The following KLHL20 variants were observed in gnomAD, a reference collection of about 807,000 sequenced individuals.
KLHL20 encodes the protein kelch like family member 20.
Under a neutral mutation model 69.5 loss-of-function variants are expected in KLHL20, and 29 were observed. The ratio of observed to expected loss-of-function variants is 0.42; its 90% confidence interval spans 0.31 to 0.57. KLHL20 has a LOEUF of 0.57. Among genes scored for constraint, KLHL20 ranks in the 20% least tolerant of loss-of-function variants. The pLI, the probability that KLHL20 is intolerant of heterozygous loss-of-function variation, is 0.18. For missense variants in KLHL20, 419 were observed against 776.0 expected, an observed-to-expected ratio of 0.54 and a Z score of 5.47; for synonymous variants, 253 against 265.2, an observed-to-expected ratio of 0.95 and a Z score of 0.45.
chr1:173,774,063 C>T (rs906960794), intron 8 of KLHL20, among the ~76,000 whole-genome samples: 1 of 151,182 alleles, frequency 6.6e-6, no homozygotes, highest in African/African-American at 2.4e-5. Flanking sequence ...GAGCTGAAGT[C>T]ATAGGTTGTT....
chr1:173,749,811 A>T (rs1183249811), intron 3 of KLHL20, among the ~76,000 whole-genome samples: 1 of 152,206 alleles, frequency 6.6e-6, no homozygotes, highest in Non-Finnish European at 1.5e-5. Context: ...ACAATACCAT[A>T]CTTAAGTGAA....
At chr1:173,767,932 G>A (rs931853690) in intron 8 of KLHL20, among the ~76,000 whole-genome samples, 1 of 151,928 alleles carries the variant, frequency 6.6e-6, no homozygotes, top group Non-Finnish European at 1.5e-5. Context: ...ATGCTTTGGG[G>A]CACATAACCT....
chr1:173,724,200 C>A (rs560515125), intron 2 of KLHL20, among the ~76,000 whole-genome samples: 1 of 148,198 alleles, frequency 6.7e-6, no homozygotes, highest in African/African-American at 2.5e-5. Flanking sequence ...AGAGATGGGG[C>A]CTCACTATGT....
intron 7 of KLHL20, among the ~76,000 whole-genome samples, chr1:173,761,129 A>ATTT (rs1647271724): frequency 6.6e-6 from 1 of 152,244 alleles, no homozygotes; most frequent in Non-Finnish European, 1.5e-5. Flanking sequence ...AGTGGTTAAA[A>ATTT]GAGACAAAGA....
chr1:173,730,006 G>A (rs1341740577), intron 2 of KLHL20, among the ~76,000 whole-genome samples: 3 of 152,162 alleles, frequency 2.0e-5, no homozygotes, highest in Non-Finnish European at 4.4e-5. Flanking sequence ...AAGCTGATAA[G>A]CAACTTCAGC....
chr1:173,758,462 AAAT>A (rs1197545217), intron 7 of KLHL20, among the ~76,000 whole-genome samples: 1 of 152,144 alleles, frequency 6.6e-6, no homozygotes, highest in Non-Finnish European at 1.5e-5. Flanking sequence ...CTGCAAGAAA[AAAT>A]CAGCAATCTC....
intron 7 of KLHL20, among the ~76,000 whole-genome samples, chr1:173,761,853 A>G (rs1439446796): frequency 6.6e-6 from 1 of 152,134 alleles, no homozygotes; most frequent in Non-Finnish European, 1.5e-5. Context: ...ACCCAAACCC[A>G]AAGGAAATAA....
chr1:173,784,381 G>A lies in KLHL20; in HGVS notation c.1746-782G>A, dbSNP rs577760607. ...GCTTTCTATTTTTACTAGGAATTTT[G>A]ATTAAGCATAATTTCTGAAGACAGC... On this transcript the variant is annotated intron_variant, in intron 11 of 11. Coordinates refer to ENST00000209884, the MANE Select transcript of KLHL20 (RefSeq NM_014458.4). 4.2e-4 allele frequency among the ~76,000 whole-genome samples: 64 copies of A among 152,282 alleles called. No homozygotes were observed. The East Asian group carries it at 0.011, about 27-fold the overall frequency.
chr1:173,720,746 G>A (rs1214512730), intron 2 of KLHL20, among the ~76,000 whole-genome samples: 1 of 152,114 alleles, frequency 6.6e-6, no homozygotes, highest in Non-Finnish European at 1.5e-5. Context: ...ATGGAGTGAG[G>A]AAGAGATAGT....
chr1:173,775,797 C>T lies in KLHL20; in HGVS notation c.1593C>T (p.Thr531=). The stretch of plus-strand genomic sequence containing the variant: ...GTGCTGAGAGATACAACCCCAGAAC[C>T]AACCAGTGGTCTCCAGTGGTGGCCA... ...LSSAERYNPR[T]NQWSPVVAMT... The change falls in exon 10 of 12, where the codon ACC becomes ACT. Residue 531 remains threonine, a synonymous_variant. Transcript: ENST00000209884. 1 of 1,614,168 alleles carries T rather than the reference C, an allele frequency of 6.2e-7. No individual in the cohort carries two copies. Among genetic ancestry groups the T allele is most frequent in the Non-Finnish European group, 8.5e-7 (1 of 1,180,024 alleles).
intron 2 of KLHL20, among the ~76,000 whole-genome samples, chr1:173,725,022 T>G (rs1671890726): frequency 6.6e-6 from 1 of 152,102 alleles, no homozygotes; most frequent in African/African-American, 2.4e-5. Flanking sequence ...TTTTACCAAG[T>G]TATTTGACTC....
At chr1:173,766,369 G>C (rs1647709145) in intron 8 of KLHL20, 80 bp downstream of exon 8, 1 of 1,335,584 alleles carries the variant, frequency 7.5e-7, no homozygotes, top group Admixed American at 2.5e-5. Flanking sequence ...TACAGGTTGG[G>C]CGTGGTGGCT....
chr1:173,725,053 G>A (rs1274104679), intron 2 of KLHL20, among the ~76,000 whole-genome samples: 1 of 151,288 alleles, frequency 6.6e-6, no homozygotes, highest in Non-Finnish European at 1.5e-5. Context: ...TATTTCACTG[G>A]TGAAGTTTTT....
chr1:173,753,071 G>A (rs1673383208), intron 4 of KLHL20, 142 bp from the exon 5 acceptor site: 1 of 610,392 alleles, frequency 1.6e-6, no homozygotes, highest in Middle Eastern at 4.6e-4. Flanking sequence ...TACTCTGGAG[G>A]CTGAGGTAGG....
intron 8 of KLHL20, among the ~76,000 whole-genome samples, chr1:173,766,990 G>C (rs1179704674): frequency 6.6e-6 from 1 of 152,008 alleles, no homozygotes; most frequent in African/African-American, 2.4e-5. Flanking sequence ...TTGTACATTA[G>C]AGCTCTTGAA....
intron 10 of KLHL20, among the ~76,000 whole-genome samples, chr1:173,778,699 T>C (rs1648645646): frequency 6.6e-6 from 1 of 152,110 alleles, no homozygotes; most frequent in Non-Finnish European, 1.5e-5. Flanking sequence ...TCTTGGTAGG[T>C]TGTATGTGTC....
chr1:173,747,905 AT>A (rs1303889234), intron 3 of KLHL20, among the ~76,000 whole-genome samples: 1 of 151,608 alleles, frequency 6.6e-6, no homozygotes, highest in Admixed American at 6.6e-5. Flanking sequence ...AAAAAAAAAA[AT>A]GATGAAACTC....
chr1:173,757,664 C>CA (rs906943946), intron 7 of KLHL20, among the ~76,000 whole-genome samples: 817 of 58,624 alleles, frequency 0.014, 4 homozygotes, highest in African/African-American at 0.03. Flanking sequence ...GACTCCTTCT[C>CA]AAAAAAAAAA....
intron 3 of KLHL20, among the ~76,000 whole-genome samples, chr1:173,740,670 G>A (rs10912677): frequency 0.09 from 13,669 of 151,852 alleles, 1,998 homozygotes; most frequent in African/African-American, 0.31. Context: ...TCAGGAGCAG[G>A]TTATTTAATT....
Sources: gnomAD v4.1 joint callset for allele counts (sites outside exome capture counted in the v4.1 genomes callset) on GRCh38, gnomAD v4.1.1 for gene constraint, MANE v1.5 for transcripts, NCBI Gene and HGNC (gene_info 2026-07-23, HGNC 2026-07-21) for gene names.